Variants in RBM47 observed in about 807,000 individuals in gnomAD.
The protein encoded by RBM47 is RNA binding motif protein 47.
In RBM47, 21 loss-of-function variants were observed where a neutral mutation model predicts 47.1. The ratio of observed to expected loss-of-function variants is 0.45; its 90% confidence interval spans 0.32 to 0.64. The LOEUF is 0.64. Ranked by LOEUF, RBM47 falls within the 30% of genes least tolerant of loss-of-function variation. The pLI, the probability that RBM47 is intolerant of heterozygous loss-of-function variation, is 0.05. For missense variants in RBM47, 708 were observed against 870.9 expected (o/e 0.81, Z 2.35); for synonymous variants, 375 against 361.7 (o/e 1.04, Z -0.42).
chr4:40,440,829 T>G (rs1486391241), intron 3 of RBM47, among the ~76,000 whole-genome samples: 1 of 152,218 alleles, frequency 6.6e-6, no homozygotes. Context: ...TACACAGCAT[T>G]TTGAATGGTG....
At chr4:40,518,577 C>CCAAGG (rs987560374) in intron 2 of RBM47, among the ~76,000 whole-genome samples, 2 of 152,024 alleles carry the variant, frequency 1.3e-5, no homozygotes, top group African/African-American at 4.8e-5. Context: ...GAGAGGCTGC[C>CCAAGG]CAAGGATACA....
chr4:40,547,638 C>A (rs17587298), intron 1 of RBM47, among the ~76,000 whole-genome samples: 1 of 152,104 alleles, frequency 6.6e-6, no homozygotes, highest in Non-Finnish European at 1.5e-5. Context: ...CCAGATGAGT[C>A]GCAGATGAGT....
At chr4:40,566,637 T>C (rs929325184) in intron 1 of RBM47, among the ~76,000 whole-genome samples, 1 of 151,990 alleles carries the variant, frequency 6.6e-6, no homozygotes, top group Non-Finnish European at 1.5e-5. Context: ...AGAGCGAGAC[T>C]CCATCTCAAA....
chr4:40,517,664 CA>C (rs2154255269), intron 2 of RBM47, among the ~76,000 whole-genome samples: 1 of 152,216 alleles, frequency 6.6e-6, no homozygotes, highest in South Asian at 2.1e-4. Flanking sequence ...CAAGAATATT[CA>C]AAAATCTCAT....
chr4:40,501,798 A>G (rs770383128), intron 2 of RBM47, among the ~76,000 whole-genome samples: 2 of 152,196 alleles, frequency 1.3e-5, no homozygotes, highest in Non-Finnish European at 2.9e-5. Flanking sequence ...AGAAGCTTCC[A>G]ATACACTTTA....
intron 5 of RBM47, 143 bp from the exon 6 acceptor site, chr4:40,433,005 G>C: frequency 8.0e-7 from 1 of 1,245,532 alleles, no homozygotes; most frequent in Non-Finnish European, 1.1e-6. Context: ...CTGTGGCCCA[G>C]GCTGGAATGC....
intron 1 of RBM47, among the ~76,000 whole-genome samples, chr4:40,591,714 A>C (rs1734153454): frequency 6.6e-6 from 1 of 152,094 alleles, no homozygotes; most frequent in South Asian, 2.1e-4. Context: ...AGAAAAGAAG[A>C]AAAGAAGATA....
intron 1 of RBM47, among the ~76,000 whole-genome samples, chr4:40,546,035 C>T (rs1230825576): frequency 6.6e-6 from 1 of 152,174 alleles, no homozygotes; most frequent in Non-Finnish European, 1.5e-5. Context: ...TCATTTAAAT[C>T]ACTATGAGTT....
rs534169937 is a variant in RBM47 at position 40,588,345 on chromosome 4, A to G, written c.-240+41051T>C. Among the ~76,000 whole-genome samples the G allele has an allele frequency of 3.3e-5, 5 of 152,304 alleles. No individual in the cohort carries two copies. The East Asian group carries it at 9.6e-4, about 29-fold the overall frequency. ...TCACTCCTGGGCCAGTTTCCCTTTC[A>G]GGATTCAAAGTCCCAAAATTGAACA... On this transcript the variant is annotated intron_variant, in intron 1 of 6. Coordinates refer to ENST00000295971, the MANE Select transcript of RBM47 (RefSeq NM_001098634.2).
At chr4:40,521,006 A>T (rs1726141435) in intron 2 of RBM47, among the ~76,000 whole-genome samples, 2 of 152,204 alleles carry the variant, frequency 1.3e-5, no homozygotes, top group Non-Finnish European at 2.9e-5. Flanking sequence ...AATGGTGGCT[A>T]AAACTTCTAG....
chr4:40,593,150 A>T (rs1343448843), intron 1 of RBM47, among the ~76,000 whole-genome samples: 2 of 147,914 alleles, frequency 1.4e-5, no homozygotes, highest in Non-Finnish European at 3.0e-5. Context: ...GCCCGCGACC[A>T]CGCCAGGCTA....
At chr4:40,553,594 G>A (rs988001347) in intron 1 of RBM47, among the ~76,000 whole-genome samples, 1 of 152,160 alleles carries the variant, frequency 6.6e-6, no homozygotes, top group Non-Finnish European at 1.5e-5. Context: ...ACTACGCCCA[G>A]CCAATTATGT....
chr4:40,540,685 G>T (rs1360315955), intron 2 of RBM47, among the ~76,000 whole-genome samples: 1 of 146,614 alleles, frequency 6.8e-6, no homozygotes, highest in African/African-American at 2.5e-5. Context: ...TAATAAATGG[G>T]GAATAATGGG....
At chr4:40,522,303 G>C (rs1030230097) in intron 2 of RBM47, among the ~76,000 whole-genome samples, 6 of 152,110 alleles carry the variant, frequency 3.9e-5, no homozygotes, top group Non-Finnish European at 7.4e-5. Flanking sequence ...TCAGGAGTTC[G>C]AGACCAGCCT....
intron 2 of RBM47, among the ~76,000 whole-genome samples, chr4:40,472,199 C>A (rs183176750): frequency 6.6e-6 from 1 of 152,182 alleles, no homozygotes; most frequent in African/African-American, 2.4e-5. Context: ...ATAGTAGGCA[C>A]TTAATTTTTT....
At chr4:40,519,794 C>T (rs1323231146) in intron 2 of RBM47, among the ~76,000 whole-genome samples, 3 of 151,638 alleles carry the variant, frequency 2.0e-5, no homozygotes, top group Non-Finnish European at 4.4e-5. Context: ...CTAAGCCTCC[C>T]GAGTAGATGG....
intron 1 of RBM47, among the ~76,000 whole-genome samples, chr4:40,567,296 C>A (rs552840583): frequency 6.6e-6 from 1 of 151,882 alleles, no homozygotes; most frequent in African/African-American, 2.4e-5. Flanking sequence ...CTGTAAAATG[C>A]GATTTTGTTA....
At position 40,628,140 on chromosome 4, in the gene RBM47, C is replaced by T. The variant is rs377689855; in HGVS notation, c.-240+1256G>A. 3.9e-5 allele frequency among the ~76,000 whole-genome samples: 6 copies of T among 152,152 alleles called. No individual in the cohort carries two copies. In the South Asian group the frequency reaches 1.2e-3, roughly 32 times the overall value. On this transcript the variant is annotated intron_variant, in intron 1 of 6. Transcript: ENST00000295971. The surrounding 1 kb of genome is among the most constrained non-coding windows in gnomAD (Gnocchi z 4.0). ...GGGAAATTTCTGAGACCCCATCCTT[C>T]CAGCATGCAATAATTAAGTCAAAGA...
intron 1 of RBM47, among the ~76,000 whole-genome samples, chr4:40,556,679 C>A (rs1240523778): frequency 6.6e-6 from 1 of 152,030 alleles, no homozygotes; most frequent in Non-Finnish European, 1.5e-5. Context: ...CACTTGAGCT[C>A]AGGAGTTCCA....
Sources: gnomAD v4.1 joint callset for allele counts (sites outside exome capture counted in the v4.1 genomes callset) on GRCh38, gnomAD v4.1.1 for gene constraint, Gnocchi (gnomAD v3.1) non-coding constraint, MANE v1.5 for transcripts, NCBI Gene and HGNC (gene_info 2026-07-23, HGNC 2026-07-21) for gene names.